SLC39A10: variants seen among roughly 807,000 people sequenced by gnomAD.
SLC39A10 encodes solute carrier family 39 member 10.
Under a neutral mutation model 65.1 loss-of-function variants are expected in SLC39A10, and 13 were observed. The ratio of observed to expected loss-of-function variants is 0.20; its 90% CI spans 0.13 to 0.32. SLC39A10 has a LOEUF of 0.32. Among genes scored for constraint, SLC39A10 ranks in the 10% least tolerant of loss-of-function variants. SLC39A10 has a pLI of 1.00. For missense variants in SLC39A10, 831 were observed against 1,018.4 expected, an observed-to-expected ratio of 0.82 and a Z score of 2.50; for synonymous variants, 321 against 342.2, an observed-to-expected ratio of 0.94 and a Z score of 0.68.
At chr2:195,678,119 C>T (rs1690164972) in intron 1 of SLC39A10, among the ~76,000 whole-genome samples, 1 of 152,132 alleles carries the variant, frequency 6.6e-6, no homozygotes, top group Admixed American at 6.5e-5. Context: ...ACATGGATTT[C>T]TGTTGGGCAT....
intron 3 of SLC39A10, among the ~76,000 whole-genome samples, chr2:195,705,121 A>T (rs73054458): frequency 1.3e-5 from 2 of 151,932 alleles, no homozygotes; most frequent in African/African-American, 4.8e-5. Flanking sequence ...CTTTCTTTCC[A>T]CTAACCAGGA....
intron 2 of SLC39A10, among the ~76,000 whole-genome samples, chr2:195,647,091 T>C (rs904974094): frequency 1.3e-5 from 2 of 152,184 alleles, no homozygotes; most frequent in Admixed American, 1.3e-4. Flanking sequence ...CGGGCCCATT[T>C]GGATAATTGA....
intron 1 of SLC39A10, among the ~76,000 whole-genome samples, chr2:195,668,468 A>G (rs916049845): frequency 1.3e-5 from 2 of 152,210 alleles, no homozygotes; most frequent in African/African-American, 4.8e-5. Context: ...CAGAATAGCA[A>G]TCTGGAACAC....
intron 1 of SLC39A10, among the ~76,000 whole-genome samples, chr2:195,673,243 C>G (rs1689942737): frequency 6.6e-6 from 1 of 152,130 alleles, no homozygotes; most frequent in Non-Finnish European, 1.5e-5. Context: ...GTGGCAAGAT[C>G]AGGGCTCACT....
Position 195,713,459 on chromosome 2 carries a change from G to T in SLC39A10, c.1602G>T (p.Gln534His). Residue 534 changes from glutamine (Q) to histidine (H), a missense_variant, in exon 6 of 10, where the codon CAG (glutamine) becomes CAT (histidine). Around this residue, in one of 4 missense-constraint regions of SLC39A10, gnomAD observed 230 missense variants for 242.9 expected, o/e 0.95. Coordinates refer to ENST00000359634, the MANE Select transcript of SLC39A10 (RefSeq NM_020342.3). ...QRGKQKWFMKQNTEESTIGRK... is the reference protein window; with the variant it reads ...QRGKQKWFMKHNTEESTIGRK... ...GAAAACAGAAATGGTTTATGAAACA[G>T]AACACAGAAGAATCAACTATTGGAA... 6.4e-7 allele frequency: 1 copy of T among 1,571,094 alleles called. No homozygotes were observed. The highest frequency in any genetic ancestry group is 1.2e-5 in the South Asian group (1 of 82,910).
At chr2:195,677,662 G>A (rs1382131663) in intron 1 of SLC39A10, among the ~76,000 whole-genome samples, 1 of 151,696 alleles carries the variant, frequency 6.6e-6, no homozygotes, top group Non-Finnish European at 1.5e-5. Flanking sequence ...TATGCATGAA[G>A]CTGTAATTTC....
At chr2:195,693,858 G>T (rs1218486718) in intron 3 of SLC39A10, among the ~76,000 whole-genome samples, 1 of 152,086 alleles carries the variant, frequency 6.6e-6, no homozygotes, top group Non-Finnish European at 1.5e-5. Flanking sequence ...GGTTTGGATT[G>T]TTCTTGCTTC....
chr2:195,677,239 C>A (rs1187670300), intron 1 of SLC39A10, among the ~76,000 whole-genome samples: 1 of 152,132 alleles, frequency 6.6e-6, no homozygotes, highest in East Asian at 1.9e-4. Context: ...CCAATTATTA[C>A]CCTCTATCTC....
At chr2:195,647,079 A>G (rs776890550) in intron 2 of SLC39A10, among the ~76,000 whole-genome samples, 1 of 152,090 alleles carries the variant, frequency 6.6e-6, no homozygotes, top group Non-Finnish European at 1.5e-5. Context: ...TTATGATTAA[A>G]TCGGGCCCAT....
At chr2:195,650,465 G>A (rs573309654) in intron 2 of SLC39A10, among the ~76,000 whole-genome samples, 6 of 151,792 alleles carry the variant, frequency 4.0e-5, no homozygotes, top group Non-Finnish European at 8.8e-5. Context: ...CTGTATTTTC[G>A]AAAGGACTTG....
chr2:195,674,087 C>T (rs1021864680), intron 1 of SLC39A10, among the ~76,000 whole-genome samples: 1 of 152,134 alleles, frequency 6.6e-6, no homozygotes, highest in African/African-American at 2.4e-5. Context: ...GTAAATTATA[C>T]AGCATGTATC....
Position 195,680,853 on chromosome 2 carries a change from C to A in SLC39A10, c.811C>A (p.Arg271Ser). The A allele has an allele frequency of 1.2e-6, 2 of 1,614,120 alleles. No homozygotes were observed. Among genetic ancestry groups the A allele is most frequent in the South Asian group, 1.1e-5 (1 of 91,080 alleles). The change falls in exon 2 of 10, where the codon CGT (arginine) becomes AGT (serine). Residue 271 changes from arginine to serine, a missense_variant. By Grantham distance (110) the Arg-to-Ser change is moderately radical. This residue lies in a region of SLC39A10 where 446 missense variants were observed against 499.2 expected (regional missense o/e 0.89). Coordinates refer to ENST00000359634, the MANE Select transcript of SLC39A10 (RefSeq NM_020342.3). ...YEHNRVHKPD[R>S]VHNPGHSHVH... is the part of the protein sequence containing the mutation. ...GCATAATCGGGTCCACAAACCTGAT[C>A]GTGTACATAACCCAGGTCATTCTCA... is the stretch of plus-strand genomic sequence containing the variant.
At chr2:195,682,437 A>G (rs1454591154) in intron 2 of SLC39A10, among the ~76,000 whole-genome samples, 1 of 152,162 alleles carries the variant, frequency 6.6e-6, no homozygotes, top group African/African-American at 2.4e-5. Flanking sequence ...TAAAGTATGC[A>G]TTCATTTTAT....
chr2:195,672,365 A>G (rs1228140867), intron 1 of SLC39A10, among the ~76,000 whole-genome samples: 1 of 152,062 alleles, frequency 6.6e-6, no homozygotes, highest in Non-Finnish European at 1.5e-5. Context: ...TCCTGGGCTC[A>G]ACCATCCTCC....
At chr2:195,695,803 CTGTT>C (rs1293013295) in intron 3 of SLC39A10, among the ~76,000 whole-genome samples, 3 of 152,152 alleles carry the variant, frequency 2.0e-5, no homozygotes, top group South Asian at 4.1e-4. Context: ...TCCAGTTTGT[CTGTT>C]TTTTTGTTTT....
intron 1 of SLC39A10, among the ~76,000 whole-genome samples, chr2:195,661,753 T>G (rs2105731602): frequency 6.6e-6 from 1 of 152,290 alleles, no homozygotes; most frequent in East Asian, 1.9e-4. Flanking sequence ...TTAAAAGATG[T>G]TAGAATAGGA....
Position 195,709,577 on chromosome 2 carries a change from T to C in SLC39A10, c.1575+733T>C, listed in dbSNP as rs1008916205. ...ATTTGTAGAGACAGAGTTCTCAGTATGTTGCCCAGGCTGGTCTTGAACTCC... is the reference window on the plus strand; with the variant it reads ...ATTTGTAGAGACAGAGTTCTCAGTACGTTGCCCAGGCTGGTCTTGAACTCC... On this transcript the variant is annotated intron_variant, in intron 5 of 9. Transcript: ENST00000359634. Among the ~76,000 whole-genome samples, 11 of 152,294 alleles carry C rather than the reference T, an allele frequency of 7.2e-5. 1 individual carries two copies. Among genetic ancestry groups the C allele is most frequent in the African/African-American group, 2.6e-4 (11 of 41,578 alleles).
At chr2:195,702,442 T>C (rs745998759) in intron 3 of SLC39A10, among the ~76,000 whole-genome samples, 2 of 152,184 alleles carry the variant, frequency 1.3e-5, no homozygotes, top group Non-Finnish European at 2.9e-5. Flanking sequence ...CATTTTACCA[T>C]CGAGCTTTCC....
At chr2:195,646,945 G>T (rs1471864258) in intron 2 of SLC39A10, among the ~76,000 whole-genome samples, 2 of 152,158 alleles carry the variant, frequency 1.3e-5, no homozygotes, top group Non-Finnish European at 2.9e-5. Flanking sequence ...CGCCAAAAAG[G>T]TTGGGGGACT....
Sources: allele counts gnomAD v4.1 joint callset (sites outside exome capture counted in the v4.1 genomes callset), GRCh38; gene constraint gnomAD v4.1.1; regional missense constraint gnomAD v4.1.1; transcripts MANE v1.5; gene names NCBI Gene and HGNC (gene_info 2026-07-23, HGNC 2026-07-21).